The following IGSF11 variants were observed in gnomAD, a reference collection of about 807,000 sequenced individuals.
IGSF11 encodes CXADR like 1.
IGSF11 carries 22 observed loss-of-function variants against 41.0 expected under a neutral mutation model. The ratio of observed to expected loss-of-function variants is 0.54; its 90% CI spans 0.38 to 0.77. The LOEUF is 0.77. Among genes scored for constraint, IGSF11 ranks in the 30% least tolerant of loss-of-function variants. The probability of loss-of-function intolerance (pLI) is 0.00; values close to 1 mark genes in which losing one functional copy is unlikely to be tolerated. For missense variants in IGSF11, 444 were observed against 530.8 expected (o/e 0.84, Z 1.61); for synonymous variants, 219 against 201.3 (o/e 1.09, Z -0.74).
At chr3:119,142,803 A>C (rs553034933) in intron 1 of IGSF11, among the ~76,000 whole-genome samples, 2 of 152,360 alleles carry the variant, frequency 1.3e-5, no homozygotes, top group South Asian at 4.1e-4. Context: ...CATGACAATA[A>C]AACTTTCAAA....
chr3:119,042,843 C>T (rs1941173083), intron 1 of IGSF11, among the ~76,000 whole-genome samples: 1 of 152,208 alleles, frequency 6.6e-6, no homozygotes, highest in South Asian at 2.1e-4. Flanking sequence ...CACCTCCTGG[C>T]TGGAGGCAAA....
chr3:119,070,591 G>A (rs2076382628), intron 1 of IGSF11, among the ~76,000 whole-genome samples: 1 of 151,790 alleles, frequency 6.6e-6, no homozygotes, highest in African/African-American at 2.4e-5. Flanking sequence ...TACATTAAGA[G>A]TTTATGTACA....
intron 1 of IGSF11, among the ~76,000 whole-genome samples, chr3:118,950,584 T>C (rs1944499945): frequency 6.6e-6 from 1 of 151,934 alleles, no homozygotes; most frequent in East Asian, 1.9e-4. Context: ...CCCAACTCAA[T>C]TTTCCCCATC....
At chr3:118,933,470 T>TTTTA (rs1553754814) in intron 1 of IGSF11, among the ~76,000 whole-genome samples, 2 of 146,148 alleles carry the variant, frequency 1.4e-5, no homozygotes, top group African/African-American at 5.1e-5. Flanking sequence ...CATGTATTTT[T>TTTTA]TATATATATA....
intron 1 of IGSF11, among the ~76,000 whole-genome samples, chr3:119,001,139 C>T (rs560538636): frequency 1.3e-5 from 2 of 151,838 alleles, no homozygotes; most frequent in South Asian, 4.2e-4. Flanking sequence ...CTTCAATTCG[C>T]CTATATCCTT....
At chr3:118,958,774 CTTAA>C (rs1157690293) in intron 1 of IGSF11, among the ~76,000 whole-genome samples, 2 of 152,132 alleles carry the variant, frequency 1.3e-5, no homozygotes, top group Admixed American at 6.5e-5. Context: ...TTCTTCAACA[CTTAA>C]TTATCACCAA....
intron 1 of IGSF11, among the ~76,000 whole-genome samples, chr3:119,076,007 A>G (rs2076488532): frequency 6.6e-6 from 1 of 152,220 alleles, no homozygotes; most frequent in African/African-American, 2.4e-5. Flanking sequence ...CTGACTTCAA[A>G]CTATACTACA....
At chr3:118,996,743 G>C (rs1936306020) in intron 1 of IGSF11, among the ~76,000 whole-genome samples, 1 of 152,076 alleles carries the variant, frequency 6.6e-6, no homozygotes. Flanking sequence ...GGGACCACAG[G>C]TGCTTGCCAC....
intron 1 of IGSF11, among the ~76,000 whole-genome samples, chr3:118,964,520 G>GA (rs1195640793): frequency 6.6e-6 from 1 of 152,048 alleles, no homozygotes; most frequent in Non-Finnish European, 1.5e-5. Context: ...TTATTTGCAG[G>GA]AAAAAAGCAT....
chr3:119,063,287 C>G (rs1006827875), intron 1 of IGSF11, among the ~76,000 whole-genome samples: 1 of 152,052 alleles, frequency 6.6e-6, no homozygotes, highest in Non-Finnish European at 1.5e-5. Context: ...AAGAATTCCC[C>G]GAAGACATAA....
At chr3:118,999,655 GAAAA>G (rs1313862847) in intron 1 of IGSF11, among the ~76,000 whole-genome samples, 3 of 152,088 alleles carry the variant, frequency 2.0e-5, no homozygotes, top group Admixed American at 6.6e-5. Context: ...CTTGTTAAAT[GAAAA>G]GTCAAAATGT....
intron 1 of IGSF11, among the ~76,000 whole-genome samples, chr3:119,071,331 T>C (rs945135569): frequency 3.3e-5 from 5 of 152,244 alleles, no homozygotes; most frequent in Non-Finnish European, 7.3e-5. Flanking sequence ...AGTTTTGATG[T>C]AGTCCAAATT....
chr3:119,075,374 A>G (rs2107472770), intron 1 of IGSF11, among the ~76,000 whole-genome samples: 1 of 152,252 alleles, frequency 6.6e-6, no homozygotes, highest in Admixed American at 6.5e-5. Flanking sequence ...ACCAGATATA[A>G]TCACCGCTAA....
At position 119,078,916 on chromosome 3, in the gene IGSF11, G is replaced by A. The variant is rs544821240; in HGVS notation, c.49+26228C>T. On this transcript the variant is annotated intron_variant, in intron 1 of 6. Coordinates refer to the IGSF11 transcript ENST00000354673. ...TTAAAAATGGGCAAAGGACAGAACA[G>A]AAGTGAACGGACATTTCTCAAAAGA... is the stretch of plus-strand genomic sequence containing the variant. 7.2e-5 allele frequency among the ~76,000 whole-genome samples: 11 copies of A among 152,222 alleles called. No individual in the cohort carries two copies. The South Asian group carries it at 2.3e-3, about 32-fold the overall frequency.
At chr3:119,009,214 G>A (rs574983267) in intron 1 of IGSF11, among the ~76,000 whole-genome samples, 53 of 152,196 alleles carry the variant, frequency 3.5e-4, no homozygotes, top group African/African-American at 1.3e-3. Context: ...TAAAACATTT[G>A]AAATTCTGTT....
At position 118,987,715 on chromosome 3, in the gene IGSF11, G is replaced by A. The variant is rs144122418; in HGVS notation, c.52+46816C>T. On this transcript the variant is annotated intron_variant, in intron 1 of 6. Coordinates refer to ENST00000393775, the MANE Select transcript of IGSF11 (RefSeq NM_001015887.3). ...AGGCATGTGACTTGAGATTTGGCAG[G>A]CTGCCTTGGCAGGGCTGGACAGTCT... Among the ~76,000 whole-genome samples the A allele has an allele frequency of 5.3e-5, 8 of 152,336 alleles. No homozygotes were observed. The East Asian group carries it at 1.5e-3, about 29-fold the overall frequency.
chr3:119,115,950 T>C (rs997109789), intron 1 of IGSF11, among the ~76,000 whole-genome samples: 3 of 152,356 alleles, frequency 2.0e-5, no homozygotes, highest in East Asian at 1.9e-4. Flanking sequence ...CTTAAGATTA[T>C]ATAATTAAGG....
chr3:119,122,755 TA>T (rs560381165), intron 1 of IGSF11, among the ~76,000 whole-genome samples: 145 of 152,266 alleles, frequency 9.5e-4, no homozygotes, highest in African/African-American at 3.2e-3. Context: ...TTTCTAGACA[TA>T]CCCTAGGCCA....
At chr3:118,937,027 A>T (rs1943337685) in intron 1 of IGSF11, among the ~76,000 whole-genome samples, 1 of 152,256 alleles carries the variant, frequency 6.6e-6, no homozygotes, top group Non-Finnish European at 1.5e-5. Context: ...GAGATTTCAC[A>T]ACAGTGTTCT....
Sources: allele counts gnomAD v4.1 joint callset (sites outside exome capture counted in the v4.1 genomes callset), GRCh38; gene constraint gnomAD v4.1.1; transcripts MANE v1.5; gene names NCBI Gene and HGNC (gene_info 2026-07-23, HGNC 2026-07-21).